Variants in GPATCH2 observed in about 807,000 individuals in gnomAD.
GPATCH2 encodes the protein G patch domain-containing protein 2.
A neutral mutation model predicts 58.0 loss-of-function variants in GPATCH2; 51 were observed. The ratio of observed to expected loss-of-function variants is 0.88; its 90% CI spans 0.70 to 1.11. The LOEUF (loss-of-function observed/expected upper bound fraction) is 1.11, where lower values mean the gene tolerates loss of function less well. GPATCH2 is among the 50% of genes most tolerant of loss of function. The probability of loss-of-function intolerance (pLI) is 0.00; values close to 1 mark genes in which losing one functional copy is unlikely to be tolerated. For synonymous variants in GPATCH2, 222 were observed against 218.5 expected, an observed-to-expected ratio of 1.02 and a Z score of -0.14; for missense variants, 625 against 652.2, an observed-to-expected ratio of 0.96 and a Z score of 0.45.
intron 1 of GPATCH2, among the ~76,000 whole-genome samples, chr1:217,624,848 T>C (rs536580838): frequency 1.1e-4 from 16 of 152,330 alleles, no homozygotes; most frequent in South Asian, 6.2e-4. Flanking sequence ...CATTTGGAAA[T>C]GAAATCTTCT....
chr1:217,526,698 A>T (rs1571864475), intron 5 of GPATCH2, among the ~76,000 whole-genome samples: 2 of 152,212 alleles, frequency 1.3e-5, no homozygotes, highest in East Asian at 3.9e-4. Context: ...ACCTTGATAG[A>T]AGTAAATGTC....
intron 5 of GPATCH2, among the ~76,000 whole-genome samples, chr1:217,521,881 A>G (rs1021417851): frequency 6.6e-6 from 1 of 152,206 alleles, no homozygotes; most frequent in Non-Finnish European, 1.5e-5. Context: ...GAATCCGTAC[A>G]CGTGTGTTGC....
At chr1:217,481,762 C>G (rs986636357) in intron 8 of GPATCH2, among the ~76,000 whole-genome samples, 1 of 152,050 alleles carries the variant, frequency 6.6e-6, no homozygotes, top group African/African-American at 2.4e-5. Context: ...AAGGCTGAGG[C>G]AGAAGGATTG....
intron 5 of GPATCH2, among the ~76,000 whole-genome samples, chr1:217,549,052 T>C (rs1665215806): frequency 1.3e-5 from 2 of 152,204 alleles, no homozygotes; most frequent in Admixed American, 1.3e-4. Flanking sequence ...CAAATGTCTG[T>C]ATACTGTTGC....
In GPATCH2 at chr1:217,433,183, T is replaced by C. The variant is rs563524843; in HGVS notation, c.1367-1818A>G. On this transcript the variant is annotated intron_variant, in intron 9 of 9. Coordinates refer to ENST00000366935, the MANE Select transcript of GPATCH2 (RefSeq NM_018040.5). The stretch of plus-strand genomic sequence containing the variant: ...AAAGTTGGAACTCTCTGTCCTACTC[T>C]TTCTCTGAGACTATGTTCAGAATGG... Among the ~76,000 whole-genome samples, 5 of 152,066 alleles carry C rather than the reference T, an allele frequency of 3.3e-5. No individual in the cohort carries two copies. The East Asian group carries it at 9.6e-4, about 29-fold the overall frequency.
At chr1:217,549,578 G>C (rs974302924) in intron 5 of GPATCH2, among the ~76,000 whole-genome samples, 4 of 152,082 alleles carry the variant, frequency 2.6e-5, no homozygotes, top group Non-Finnish European at 5.9e-5. Flanking sequence ...TCTCACAGAA[G>C]ACCATTCAAA....
chr1:217,477,621 G>A (rs1420472801), intron 8 of GPATCH2, among the ~76,000 whole-genome samples: 1 of 152,148 alleles, frequency 6.6e-6, no homozygotes, highest in Non-Finnish European at 1.5e-5. Context: ...AGTGGCCATG[G>A]GGTGAGGATC....
chr1:217,471,222 A>C (rs1168073049), intron 8 of GPATCH2, among the ~76,000 whole-genome samples: 1 of 152,114 alleles, frequency 6.6e-6, no homozygotes, highest in Non-Finnish European at 1.5e-5. Context: ...TAAACCATTA[A>C]AATAAAGCAT....
At chr1:217,501,399 G>A (rs1168652780) in intron 6 of GPATCH2, among the ~76,000 whole-genome samples, 1 of 152,092 alleles carries the variant, frequency 6.6e-6, no homozygotes, top group African/African-American at 2.4e-5. Context: ...TAAAGCTGCT[G>A]TTAACCTTAG....
intron 5 of GPATCH2, among the ~76,000 whole-genome samples, chr1:217,598,744 C>T (rs540513829): frequency 3.3e-5 from 5 of 152,270 alleles, no homozygotes; most frequent in East Asian, 1.9e-4. Context: ...GGATTACAGG[C>T]GTGAGCCACT....
At position 217,427,581 on chromosome 1, in the gene GPATCH2, T is replaced by G. The variant is rs1658382049; in HGVS notation, c.*3564A>C. ...TTGATTCTTTGTTGTACTATTAACA[T>G]GACTTTCTACCAAAAGAAAAAATAA... On this transcript the variant is annotated 3_prime_UTR_variant, in exon 10 of 10. Transcript: ENST00000366935. The G allele has an allele frequency of 6.6e-6, 1 of 150,490 alleles. No individual in the cohort carries two copies. The highest frequency in any genetic ancestry group is 2.1e-4 in the South Asian group (1 of 4,742). 9.3% of individuals were successfully genotyped at this position (150,490 alleles called of 1,614,324 possible). A position where few individuals can be genotyped will look rare whatever the true frequency, so the allele number is the denominator to read the frequency against.
chr1:217,464,656 A>G (rs1660359114), intron 8 of GPATCH2, among the ~76,000 whole-genome samples: 2 of 152,202 alleles, frequency 1.3e-5, no homozygotes, highest in Non-Finnish European at 2.9e-5. Flanking sequence ...GCCAAGGGGA[A>G]AAGGAAACAG....
chr1:217,525,986 A>C (rs969649795), intron 5 of GPATCH2, among the ~76,000 whole-genome samples: 2 of 152,136 alleles, frequency 1.3e-5, no homozygotes, highest in Non-Finnish European at 1.5e-5. Context: ...ATTATTCAAC[A>C]ATGTGTCATA....
At position 217,498,328 on chromosome 1, in the gene GPATCH2, C is replaced by T. The variant is rs374851290; in HGVS notation, c.1206+28G>A. 16 of 1,575,924 alleles carry T rather than the reference C, an allele frequency of 1.0e-5. No individual in the cohort carries two copies. The African/African-American group carries it at 1.9e-4, about 19-fold the overall frequency. On this transcript the variant is annotated intron_variant, in intron 7 of 9. Transcript: ENST00000366935. ...TAAATACTTGAAAGAGGCTGAGTAA[C>T]TTCCTTTTGGATTACAATGGTCCTT...
chr1:217,427,705 T>C lies in GPATCH2; in HGVS notation c.*3440A>G, dbSNP rs1235616860. Reference sequence around the variant, plus strand: ...CAGGTGAAAACAGTTTTAAAAAGCATGTCAACAGTGATTTTTTCTCTTTTC... The same window carrying C: ...CAGGTGAAAACAGTTTTAAAAAGCACGTCAACAGTGATTTTTTCTCTTTTC... On this transcript the variant is annotated 3_prime_UTR_variant, in exon 10 of 10. Coordinates refer to ENST00000366935, the MANE Select transcript of GPATCH2 (RefSeq NM_018040.5). The C allele has an allele frequency of 6.6e-6, 1 of 152,192 alleles. No homozygotes were observed. Among genetic ancestry groups the C allele is most frequent in the Non-Finnish European group, 1.5e-5 (1 of 68,010 alleles). The allele number at this position is 152,192 out of a possible 1,614,324, so 9.4% of individuals were successfully genotyped here. A position where few individuals can be genotyped will look rare whatever the true frequency, so the allele number is the denominator to read the frequency against.
chr1:217,459,013 A>C (rs540651913), intron 8 of GPATCH2, among the ~76,000 whole-genome samples: 66 of 152,348 alleles, frequency 4.3e-4, no homozygotes, highest in African/African-American at 1.5e-3. Flanking sequence ...TTTTTCATAT[A>C]TTAAAAGCAC....
intron 5 of GPATCH2, among the ~76,000 whole-genome samples, chr1:217,573,202 C>A (rs770619183): frequency 3.3e-5 from 5 of 152,214 alleles, no homozygotes; most frequent in South Asian, 2.1e-4. Context: ...CTCTCCGTAC[C>A]CTCCAATGGC....
At chr1:217,477,629 A>T (rs1475205197) in intron 8 of GPATCH2, among the ~76,000 whole-genome samples, 2 of 152,176 alleles carry the variant, frequency 1.3e-5, no homozygotes, top group Admixed American at 6.5e-5. Flanking sequence ...TGGGGTGAGG[A>T]TCCTCTGCCT....
intron 5 of GPATCH2, among the ~76,000 whole-genome samples, chr1:217,596,692 T>C (rs1234532699): frequency 6.6e-6 from 1 of 152,124 alleles, no homozygotes; most frequent in Non-Finnish European, 1.5e-5. Flanking sequence ...AATGAAAATA[T>C]AGGTATGATT....
Sources: gnomAD v4.1 joint callset for allele counts (sites outside exome capture counted in the v4.1 genomes callset) on GRCh38, gnomAD v4.1.1 for gene constraint, MANE v1.5 for transcripts, NCBI Gene and HGNC (gene_info 2026-07-23, HGNC 2026-07-21) for gene names.